NFKBIL1: variants seen among roughly 807,000 people sequenced by gnomAD.
NFKBIL1 encodes the protein NF-kappa-B inhibitor-like protein 1.
Under a neutral mutation model 45.4 loss-of-function variants are expected in NFKBIL1, and 30 were observed. That is an observed-to-expected ratio of 0.66 (90% confidence interval 0.49 to 0.90). The LOEUF is 0.90. NFKBIL1 is among the 40% of genes least tolerant of loss of function. NFKBIL1 has a pLI of 0.00. For synonymous variants in NFKBIL1, 179 were observed against 197.3 expected (o/e 0.91, Z 0.78); for missense variants, 434 against 513.4 (o/e 0.85, Z 1.49).
chr6:31,556,699 C>A (rs1349562469), intron 2 of NFKBIL1: 1 of 457,186 alleles, frequency 2.2e-6, no homozygotes, highest in African/African-American at 2.0e-5. Context: ...TGCCCTAGGT[C>A]AGCAGTCATT....
chr6:31,557,699 G>A lies in NFKBIL1; in HGVS notation c.406G>A (p.Glu136Lys). The A allele has an allele frequency of 6.2e-7, 1 of 1,605,884 alleles. No homozygotes were observed. The highest frequency in any genetic ancestry group is 1.1e-5 in the South Asian group (1 of 89,798). The change falls in exon 3 of 4, where the codon GAG becomes AAG. Residue 136 changes from glutamate to lysine, a missense_variant. By Grantham distance (56) the Glu-to-Lys change is moderately conservative. Transcript: ENST00000376148. This position sits in a 1 kb window ranked among gnomAD's most constrained non-coding sequence, Gnocchi z 5.4. Reference protein sequence around the residue: ...SAMGIKNKDGETPGQILGWGP... With the variant: ...SAMGIKNKDGKTPGQILGWGP... ...CATGGGAATAAAGAATAAGGATGGG[G>A]AGACCCCTGGCCAAATTTTGGGCTG...
rs142525222 is a variant in NFKBIL1, at chr6:31,547,675, G to T, written c.-20G>T. On this transcript the variant is annotated 5_prime_UTR_variant, in exon 1 of 4. Coordinates refer to ENST00000376148, the MANE Select transcript of NFKBIL1 (RefSeq NM_005007.4). ...GGGCCTACGGCTCTGGGGGTACTTG[G>T]GGGGGCGGGGGCAGGTCTGATGAGT... The T allele has an allele frequency of 2.8e-5, 45 of 1,599,464 alleles. No individual in the cohort carries two copies. Among genetic ancestry groups the T allele is most frequent in the South Asian group, 1.1e-4 (10 of 90,106 alleles).
rs200385924 is a variant in NFKBIL1 at position 31,558,483 on chromosome 6, C to T, written c.1018C>T (p.Arg340Cys). ...LRRYLRVQQV[R>C]WHPDRFLQRF... ...GAGGTACTTGAGGGTCCAGCAGGTC[C>T]GCTGGCACCCTGACCGCTTCCTGCA... The change falls in exon 4 of 4, where the codon CGC becomes TGC. Residue 340 changes from arginine (R) to cysteine (C), a missense_variant. Physicochemically the swap from Arg to Cys is radical, Grantham distance 180. Coordinates refer to ENST00000376148, the MANE Select transcript of NFKBIL1 (RefSeq NM_005007.4). The surrounding 1 kb of genome is among the most constrained non-coding windows in gnomAD (Gnocchi z 7.2). 10 of 1,552,152 alleles carry T rather than the reference C, an allele frequency of 6.4e-6. No individual in the cohort carries two copies. In the African/African-American group the frequency reaches 8.2e-5, roughly 13 times the overall value.
At chr6:31,548,103 T>C (rs1272093462) in intron 1 of NFKBIL1, 60 bp from the exon 2 acceptor site, 1 of 1,607,064 alleles carries the variant, frequency 6.2e-7, no homozygotes, top group Non-Finnish European at 8.5e-7. Flanking sequence ...ATGTCAGAGA[T>C]GGAGGGAGAA....
At position 31,557,171 on chromosome 6, in the gene NFKBIL1, G is replaced by A. The variant is rs988762456; in HGVS notation, c.335-457G>A. Among the ~76,000 whole-genome samples the A allele has an allele frequency of 6.7e-6, 1 of 149,470 alleles. No homozygotes were observed. Among genetic ancestry groups the A allele is most frequent in the Non-Finnish European group, 1.5e-5 (1 of 67,768 alleles). On this transcript the variant is annotated intron_variant, in intron 2 of 3. Transcript: ENST00000376148. The surrounding 1 kb of genome is among the most constrained non-coding windows in gnomAD (Gnocchi z 5.4). ...CACCTAGGCTGGAGTGCAGTGGCAC[G>A]ATCTCGGCTTACTACAAGCTCCACC...
chr6:31,550,126 G>A (rs2523501), intron 2 of NFKBIL1, among the ~76,000 whole-genome samples: 4 of 151,798 alleles, frequency 2.6e-5, no homozygotes, highest in East Asian at 1.9e-4. Flanking sequence ...ACTTGAACCC[G>A]GAAGACAGAG....
At chr6:31,553,745 C>A (rs939995640) in intron 2 of NFKBIL1, among the ~76,000 whole-genome samples, 1 of 152,106 alleles carries the variant, frequency 6.6e-6, no homozygotes, top group African/African-American at 2.4e-5. Flanking sequence ...CTCACTGCAA[C>A]CTCTGCCTCC....
upstream of NFKBIL1, among the ~76,000 whole-genome samples, chr6:31,547,229 T>C (rs1769087130): frequency 6.6e-6 from 1 of 152,166 alleles, no homozygotes; most frequent in Non-Finnish European, 1.5e-5. Context: ...GTTGTCCCAC[T>C]GTGGTTTTTG....
rs550052536 is a variant in NFKBIL1 at position 31,557,960 on chromosome 6, T to C, written c.557-62T>C. 7.3e-6 allele frequency: 11 copies of C among 1,502,248 alleles called. No individual in the cohort carries two copies. The allele number at this position is 1,502,248 out of a possible 1,614,324, so 93.1% of individuals were successfully genotyped here. On this transcript the variant is annotated intron_variant, in intron 3 of 3. Coordinates refer to ENST00000376148, the MANE Select transcript of NFKBIL1 (RefSeq NM_005007.4). The surrounding 1 kb of genome is among the most constrained non-coding windows in gnomAD (Gnocchi z 5.4). ...CCCCTCCTCTGTGCTTCCCTGCTTC[T>C]TGGGGCCCATCACCTTCTCACAGCC...
intron 2 of NFKBIL1, among the ~76,000 whole-genome samples, chr6:31,551,027 T>C (rs1297490164): frequency 1.3e-5 from 2 of 152,084 alleles, no homozygotes; most frequent in African/African-American, 2.4e-5. Flanking sequence ...CTTTATTGTT[T>C]GTTTGCTTGT....
chr6:31,548,174 C>T lies in NFKBIL1; in HGVS notation c.69C>T (p.Ser23=). The change falls in exon 2 of 4, where the codon TCC becomes TCT. Residue 23 remains serine, a synonymous_variant. Transcript: ENST00000376148. ...ASTSVCRPKS[S]MASTSRRQRR... ...TTTTCCTTCCCCAGCCCAAGAGTTC[C>T]ATGGCCTCCACTTCCCGCCGCCAAC... The T allele has an allele frequency of 6.2e-7, 1 of 1,613,140 alleles. No homozygotes were observed. The highest frequency in any genetic ancestry group is 8.5e-7 in the Non-Finnish European group (1 of 1,180,052).
rs139013393 is a variant in NFKBIL1 at position 31,558,211 on chromosome 6, G to A, written c.746G>A (p.Arg249Gln). The A allele has an allele frequency of 1.1e-4, 175 of 1,600,444 alleles. 1 individual carries two copies. Among genetic ancestry groups the A allele is most frequent in the Admixed American group, 5.2e-4 (30 of 57,348 alleles). The stretch of plus-strand genomic sequence containing the variant: ...GAGGAGCAGCGGCTCTTCAGGGAGC[G>A]AGCCCGGGCCAAGGAGGAAGAGCTG... ...QEEEQRLFRE[R>Q]ARAKEEELRE... The change falls in exon 4 of 4, where the codon CGA becomes CAA. Residue 249 changes from arginine (R) to glutamine (Q), a missense_variant. Physicochemically the swap from Arg to Gln is conservative, Grantham distance 43 (BLOSUM62 1). Transcript: ENST00000376148. This position sits in a 1 kb window ranked among gnomAD's most constrained non-coding sequence, Gnocchi z 7.2.
rs752550941 is a variant in NFKBIL1, at chr6:31,547,704, C to T, written c.10C>T (p.Pro4Ser). The stretch of plus-strand genomic sequence containing the variant: ...GGCGGGGGCAGGTCTGATGAGTAAC[C>T]CCTCCCCCCAGGTTCCAGAGGAAGA... MSN[P>S]SPQVPEEEAS... Residue 4 changes from proline to serine, a missense_variant, in exon 1 of 4, where the codon CCC becomes TCC. Coordinates refer to ENST00000376148, the MANE Select transcript of NFKBIL1 (RefSeq NM_005007.4). The T allele has an allele frequency of 1.2e-6, 2 of 1,611,628 alleles. No individual in the cohort carries two copies. Among genetic ancestry groups the T allele is most frequent in the South Asian group, 1.1e-5 (1 of 90,986 alleles).
chr6:31,554,301 A>AGGCTCAGTC (rs1769596183), intron 2 of NFKBIL1, among the ~76,000 whole-genome samples: 1 of 152,002 alleles, frequency 6.6e-6, no homozygotes, highest in Admixed American at 6.6e-5. Flanking sequence ...AGTCCCAGTT[A>AGGCTCAGTC]CTCAGGAGGC....
chr6:31,555,905 C>G (rs904394437), intron 2 of NFKBIL1, among the ~76,000 whole-genome samples: 24 of 150,760 alleles, frequency 1.6e-4, no homozygotes, highest in South Asian at 2.1e-4. Context: ...ATTGTCCCCC[C>G]CCCCCAGCCT....
rs1309487857 is a variant in NFKBIL1 at position 31,558,160 on chromosome 6, C to T, written c.695C>T (p.Ser232Phe). Residue 232 changes from serine to phenylalanine, a missense_variant, in exon 4 of 4, where the codon TCC (serine) becomes TTC (phenylalanine). Ser to Phe is a radical substitution (Grantham distance 155). Around this residue, in one of 4 missense-constraint regions of NFKBIL1, gnomAD observed 128 missense variants for 106.5 expected, o/e 1.20. Coordinates refer to ENST00000376148, the MANE Select transcript of NFKBIL1 (RefSeq NM_005007.4). The surrounding 1 kb of genome is among the most constrained non-coding windows in gnomAD (Gnocchi z 7.2). ...CGTCGACCCCCACGTGCTGAGGGCT[C>T]CAGCCAGAGCTGGCGACAGCAGGAG... Reference protein sequence around the residue: ...GSRRPPRAEGSSQSWRQQEEE... With the variant: ...GSRRPPRAEGFSQSWRQQEEE... The T allele has an allele frequency of 1.2e-6, 2 of 1,610,964 alleles. No individual in the cohort carries two copies. The highest frequency in any genetic ancestry group is 1.7e-6 in the Non-Finnish European group (2 of 1,179,226).
intron 1 of NFKBIL1, 87 bp from the exon 2 acceptor site, chr6:31,548,076 G>T: frequency 6.4e-7 from 1 of 1,552,384 alleles, no homozygotes. Flanking sequence ...CGGAACCAAA[G>T]GGAGAAACAA....
chr6:31,557,588 A>G lies in NFKBIL1; in HGVS notation c.335-40A>G, dbSNP rs201620840. 1.9e-5 allele frequency: 28 copies of G among 1,441,178 alleles called. No individual in the cohort carries two copies. Among genetic ancestry groups the G allele is most frequent in the Non-Finnish European group, 2.6e-5 (28 of 1,080,388 alleles). 89.3% of individuals were successfully genotyped at this position (1,441,178 alleles called of 1,614,324 possible). On this transcript the variant is annotated intron_variant, in intron 2 of 3. Transcript: ENST00000376148. This position sits in a 1 kb window ranked among gnomAD's most constrained non-coding sequence, Gnocchi z 5.4. ...GATGGCAGCTCTGCCGAGGAGTGGGAGTCCCAGCTAACTTCTGCTCCCTGC... is the reference window on the plus strand; with the variant it reads ...GATGGCAGCTCTGCCGAGGAGTGGGGGTCCCAGCTAACTTCTGCTCCCTGC...
chr6:31,552,068 A>G (rs1335317264), intron 2 of NFKBIL1, among the ~76,000 whole-genome samples: 1 of 152,116 alleles, frequency 6.6e-6, no homozygotes, highest in Admixed American at 6.5e-5. Flanking sequence ...AAGTGCTGGG[A>G]TTACAGGCAT....
Sources: gnomAD v4.1 joint callset for allele counts (sites outside exome capture counted in the v4.1 genomes callset) on GRCh38, gnomAD v4.1.1 for gene constraint, gnomAD v4.1.1 regional missense constraint, Gnocchi (gnomAD v3.1) non-coding constraint, MANE v1.5 for transcripts, NCBI Gene and HGNC (gene_info 2026-07-23, HGNC 2026-07-21) for gene names.